The following ARPC1B variants were observed in gnomAD, a reference collection of about 807,000 sequenced individuals.
ARPC1B encodes the protein actin related protein 2/3 complex subunit 1B, also known as actin-related protein 2/3 complex subunit 1B.
A neutral mutation model predicts 46.0 loss-of-function variants in ARPC1B; 29 were observed. The ratio of observed to expected loss-of-function variants is 0.63; its 90% CI spans 0.47 to 0.86. The LOEUF (loss-of-function observed/expected upper bound fraction) is 0.86, where lower values mean the gene tolerates loss of function less well. ARPC1B is among the 40% of genes least tolerant of loss of function. The probability of loss-of-function intolerance (pLI) is 0.00; values close to 1 mark genes in which losing one functional copy is unlikely to be tolerated. For synonymous variants in ARPC1B, 201 were observed against 213.9 expected (o/e 0.94, Z 0.53); for missense variants, 469 against 529.4 (o/e 0.89, Z 1.12).
Position 99,390,980 on chromosome 7 carries a change from C to T in ARPC1B, c.588C>T (p.Phe196=), listed in dbSNP as rs140888847. 10 of 1,613,998 alleles carry T rather than the reference C, an allele frequency of 6.2e-6. No homozygotes were observed. Among genetic ancestry groups the T allele is most frequent in the Middle Eastern group, 3.3e-4 (2 of 6,060 alleles). The change falls in exon 6 of 10, where the codon TTC becomes TTT. Residue 196 remains phenylalanine, a synonymous_variant. Coordinates refer to ENST00000646101, the MANE Select transcript of ARPC1B (RefSeq NM_005720.4). The part of the protein sequence containing the change: ...GSKMPFGELM[F]ESSSSCGWVH... ...AGATGCCCTTTGGGGAACTGATGTT[C>T]GAATCCAGCAGTAGCTGCGGCTGGG...
chr7:99,387,851 G>A (rs1794441897), intron 3 of ARPC1B, among the ~76,000 whole-genome samples, 188 bp from the exon 4 acceptor site: 1 of 151,344 alleles, frequency 6.6e-6, no homozygotes, highest in Non-Finnish European at 1.5e-5. Context: ...AGTGAGCTGA[G>A]ATCATGCCAC....
upstream of ARPC1B, chr7:99,374,636 C>T (rs983640002): frequency 1.3e-5 from 2 of 152,170 alleles, no homozygotes; most frequent in African/African-American, 4.8e-5. This position sits in a 1 kb window ranked among gnomAD's most constrained non-coding sequence, Gnocchi z 5.0. Flanking sequence ...GCGACCGCTG[C>T]CCCAGGTCCC....
Position 99,392,865 on chromosome 7 carries a change from G to T in ARPC1B, c.978G>T (p.Lys326Asn). The stretch of plus-strand genomic sequence containing the variant: ...GCGCGGGCCTAGACTCGCTGCACAA[G>T]AACAGCGTCAGGTGAGAGCGGGAGC... ...AAGAGLDSLH[K>N]NSVSQISVLS... Residue 326 changes from lysine to asparagine, a missense_variant, in exon 8 of 10, where the codon AAG becomes AAT. Physicochemically the swap from Lys to Asn is moderately conservative, Grantham distance 94. Transcript: ENST00000646101. 6.5e-7 allele frequency: 1 copy of T among 1,545,442 alleles called. No individual in the cohort carries two copies. The highest frequency in any genetic ancestry group is 2.5e-5 in the East Asian group (1 of 40,772).
Position 99,394,137 on chromosome 7 carries a change from T to C in ARPC1B, c.1080+18T>C, listed in dbSNP as rs757654715. The C allele has an allele frequency of 9.3e-6, 15 of 1,611,834 alleles. No individual in the cohort carries two copies. The East Asian group carries it at 2.0e-4, about 22-fold the overall frequency. Reference sequence around the variant, plus strand: ...ATGTGAAGGTGAGGCTTGCCCCTCCTGGCTTCCCGCCATGCCTCCCAGGTC... The same window carrying C: ...ATGTGAAGGTGAGGCTTGCCCCTCCCGGCTTCCCGCCATGCCTCCCAGGTC... On this transcript the variant is annotated intron_variant, in intron 9 of 9. Transcript: ENST00000646101.
chr7:99,389,456 A>G (rs1467959238), intron 4 of ARPC1B: 5 of 158,974 alleles, frequency 3.1e-5, no homozygotes, highest in Admixed American at 1.2e-4. Flanking sequence ...CCTGGCCTCA[A>G]GCAATCTTCC....
chr7:99,379,038 A>T (rs910300228), intron 1 of ARPC1B, among the ~76,000 whole-genome samples: 3 of 152,028 alleles, frequency 2.0e-5, no homozygotes, highest in Non-Finnish European at 4.4e-5. Flanking sequence ...CGGCCTCCCA[A>T]AGTGCTGGGA....
Position 99,392,823 on chromosome 7 carries a change from G to C in ARPC1B, c.936G>C (p.Glu312Asp), listed in dbSNP as rs1194811494. The change falls in exon 8 of 10, where the codon GAG becomes GAC. Residue 312 changes from glutamate to aspartate, a missense_variant. Transcript: ENST00000646101. ...FQNLDKKASS[E>D]GGTAAGAGLD... ...ACCTGGACAAGAAGGCGAGCTCCGA[G>C]GGTGGCACGGCTGCGGGCGCGGGCC... is the stretch of plus-strand genomic sequence containing the variant. 8 of 1,550,264 alleles carry C rather than the reference G, an allele frequency of 5.2e-6. No homozygotes were observed. The East Asian group carries it at 1.7e-4, about 33-fold the overall frequency.
intron 8 of ARPC1B, among the ~76,000 whole-genome samples, chr7:99,393,595 C>G (rs921325814): frequency 2.0e-5 from 3 of 152,098 alleles, no homozygotes; most frequent in Non-Finnish European, 2.9e-5. Context: ...GTGTCCACCC[C>G]GCGGCGAATC....
At position 99,382,839 on chromosome 7, in the gene ARPC1B, A is replaced by G. The variant is rs1584401815; in HGVS notation, c.-13-2863A>G. Among the ~76,000 whole-genome samples the G allele has an allele frequency of 3.6e-5, 5 of 139,884 alleles. No individual in the cohort carries two copies. In the South Asian group the frequency reaches 1.1e-3, roughly 32 times the overall value. The allele number at this position is 139,884 out of a possible 152,430, so 91.8% of individuals were successfully genotyped here. On this transcript the variant is annotated intron_variant, in intron 1 of 9. Transcript: ENST00000646101. ...TATTTTTTCACACACATTCATTCCT[A>G]ACCTTTTTTTTTTTTTTTTTTTTGA...
rs1186149065 is a variant in ARPC1B, at chr7:99,388,183, C to A, written c.314C>A (p.Ala105Asp). The A allele has an allele frequency of 1.2e-6, 2 of 1,614,122 alleles. No individual in the cohort carries two copies. The highest frequency in any genetic ancestry group is 3.3e-5 in the Admixed American group (2 of 60,012). The change falls in exon 4 of 10, where the codon GCC becomes GAC. Residue 105 changes from alanine to aspartate, a missense_variant. Transcript: ENST00000646101. ...INRAARCVRW[A>D]PNENKFAVGS... ...CGGGCTGCCCGCTGCGTGCGCTGGGCCCCCAACGAGAACAAGTTTGCTGTG... is the reference window on the plus strand; with the variant it reads ...CGGGCTGCCCGCTGCGTGCGCTGGGACCCCAACGAGAACAAGTTTGCTGTG...
chr7:99,383,346 C>CAA (rs1794285059), intron 1 of ARPC1B, among the ~76,000 whole-genome samples: 1 of 152,052 alleles, frequency 6.6e-6, no homozygotes, highest in Admixed American at 6.6e-5. Flanking sequence ...CACACACACA[C>CAA]GTTTCTGAGA....
Position 99,394,155 on chromosome 7 carries a change from C to A in ARPC1B, c.1080+36C>A, listed in dbSNP as rs780624482. 4 of 1,600,306 alleles carry A rather than the reference C, an allele frequency of 2.5e-6. No individual in the cohort carries two copies. The East Asian group carries it at 6.7e-5, about 27-fold the overall frequency. On this transcript the variant is annotated intron_variant, in intron 9 of 9. Transcript: ENST00000646101. Reference sequence around the variant, plus strand: ...CCCCTCCTGGCTTCCCGCCATGCCTCCCAGGTCAACCCTTTCCCCCCATCC... The same window carrying A: ...CCCCTCCTGGCTTCCCGCCATGCCTACCAGGTCAACCCTTTCCCCCCATCC...
chr7:99,375,295 C>G (rs553273301), intron 1 of ARPC1B, among the ~76,000 whole-genome samples: 2 of 152,258 alleles, frequency 1.3e-5, no homozygotes, highest in East Asian at 3.9e-4. Context: ...TTGCAGCCGC[C>G]GGGAAATGAG....
At chr7:99,392,513 C>T (rs2150897652) in intron 7 of ARPC1B, among the ~76,000 whole-genome samples, 158 bp from the exon 8 acceptor site, 2 of 152,330 alleles carry the variant, frequency 1.3e-5, no homozygotes, top group Middle Eastern at 3.4e-3. Context: ...GCATCACCCC[C>T]GGTTTTGATA....
chr7:99,385,724 C>T lies in ARPC1B; in HGVS notation c.10C>T (p.His4Tyr). The change falls in exon 2 of 10, where the codon CAC becomes TAC. Residue 4 changes from histidine to tyrosine, a missense_variant. By Grantham distance (83) the His-to-Tyr change is moderately conservative (BLOSUM62 2). Coordinates refer to ENST00000646101, the MANE Select transcript of ARPC1B (RefSeq NM_005720.4). The stretch of plus-strand genomic sequence containing the variant: ...CAGGAGCCAAGCCGCCATGGCCTAC[C>T]ACAGCTTCCTGGTGGAGCCCATCAG... MAYHSFLVEPISCH... is the reference protein window; with the variant it reads MAYYSFLVEPISCH... 1 of 1,610,884 alleles carries T rather than the reference C, an allele frequency of 6.2e-7. No individual in the cohort carries two copies. Among genetic ancestry groups the T allele is most frequent in the Non-Finnish European group, 8.5e-7 (1 of 1,179,402 alleles).
Position 99,388,166 on chromosome 7 carries a change from C to T in ARPC1B, c.297C>T (p.Ala99=), listed in dbSNP as rs1308463030. 2 of 1,614,240 alleles carry T rather than the reference C, an allele frequency of 1.2e-6. No homozygotes were observed. Among genetic ancestry groups the T allele is most frequent in the Non-Finnish European group, 1.7e-6 (2 of 1,180,036 alleles). ...TCATCCTGCGGATCAACCGGGCTGC[C>T]CGCTGCGTGCGCTGGGCCCCCAACG... ...TLVILRINRA[A]RCVRWAPNEN... The change falls in exon 4 of 10, where the codon GCC becomes GCT. Residue 99 remains alanine, a synonymous_variant. Coordinates refer to ENST00000646101, the MANE Select transcript of ARPC1B (RefSeq NM_005720.4).
Position 99,386,745 on chromosome 7 carries a change from G to T in ARPC1B, c.125G>T (p.Trp42Leu), listed in dbSNP as rs1794402640. 1.9e-6 allele frequency: 3 copies of T among 1,614,132 alleles called. No homozygotes were observed. The highest frequency in any genetic ancestry group is 2.5e-6 in the Non-Finnish European group (3 of 1,180,020). ...ATCTATGAAAAGAGCGGTGCCAAAT[G>T]GACCAAGGTGCACGAGCTCAAGGAG... is the stretch of plus-strand genomic sequence containing the variant. ...VHIYEKSGAKWTKVHELKEHN... is the reference protein window; with the variant it reads ...VHIYEKSGAKLTKVHELKEHN... The change falls in exon 3 of 10, where the codon TGG becomes TTG. Residue 42 changes from tryptophan to leucine, a missense_variant. Physicochemically the swap from Trp to Leu is moderately conservative, Grantham distance 61. Transcript: ENST00000646101.
intron 1 of ARPC1B, among the ~76,000 whole-genome samples, chr7:99,382,788 T>C (rs1794267183): frequency 6.6e-6 from 1 of 150,658 alleles, no homozygotes; most frequent in Non-Finnish European, 1.5e-5. Flanking sequence ...TTAATAAAAT[T>C]ATTTATTTAT....
At chr7:99,393,236 A>G (rs111343075) in intron 8 of ARPC1B, among the ~76,000 whole-genome samples, 10 of 152,356 alleles carry the variant, frequency 6.6e-5, no homozygotes, top group East Asian at 1.9e-4. Flanking sequence ...TGATCTCACC[A>G]TAGCAGCCCA....
Sources: gnomAD v4.1 joint callset for allele counts (sites outside exome capture counted in the v4.1 genomes callset) on GRCh38, gnomAD v4.1.1 for gene constraint, Gnocchi (gnomAD v3.1) non-coding constraint, MANE v1.5 for transcripts, NCBI Gene and HGNC (gene_info 2026-07-23, HGNC 2026-07-21) for gene names.